The following LANCL1 variants were observed in gnomAD, a reference collection of about 807,000 sequenced individuals.
LANCL1 encodes glutathione S-transferase LANCL1.
Under a neutral mutation model 50.6 loss-of-function variants are expected in LANCL1, and 50 were observed. The ratio of observed to expected loss-of-function variants is 0.99; its 90% CI spans 0.79 to 1.25. The LOEUF (loss-of-function observed/expected upper bound fraction) is 1.25, where lower values mean the gene tolerates loss of function less well. Ranked by LOEUF, LANCL1 falls within the 50% of genes most tolerant of loss-of-function variation. The pLI, the probability that LANCL1 is intolerant of heterozygous loss-of-function variation, is 0.00. For synonymous variants in LANCL1, 188 were observed against 178.6 expected, an observed-to-expected ratio of 1.05 and a Z score of -0.42; for missense variants, 532 against 480.7, an observed-to-expected ratio of 1.11 and a Z score of -1.00.
intron 2 of LANCL1, 104 bp downstream of exon 2, chr2:210,476,212 T>TG (rs1253917231): frequency 1.1e-5 from 7 of 614,136 alleles, no homozygotes; most frequent in African/African-American, 3.9e-5. Context: ...TCGAATCATG[T>TG]ATTTTTTTAA....
chr2:210,447,792 A>G (rs1693388298), intron 4 of LANCL1, among the ~76,000 whole-genome samples: 1 of 152,232 alleles, frequency 6.6e-6, no homozygotes, highest in South Asian at 2.1e-4. Flanking sequence ...GATCAATGCA[A>G]CAAGAAGAGC....
chr2:210,452,955 TTAAA>T (rs1693554378), intron 4 of LANCL1, among the ~76,000 whole-genome samples: 1 of 152,162 alleles, frequency 6.6e-6, no homozygotes, highest in African/African-American at 2.4e-5. Context: ...ATAACTTATA[TTAAA>T]TAATTTTGGA....
rs1007865237 is a variant in LANCL1, at chr2:210,433,250, CAG to C, written c.*1235_*1236del. 3.3e-5 allele frequency: 5 copies of C among 152,334 alleles called. No individual in the cohort carries two copies. Among genetic ancestry groups the C allele is most frequent in the East Asian group, 1.9e-4 (1 of 5,176 alleles). 9.4% of individuals were successfully genotyped at this position (152,334 alleles called of 1,614,324 possible). On this transcript the variant is annotated 3_prime_UTR_variant, in exon 10 of 10. Transcript: ENST00000450366. ...AACACTTGAACAGAATTTGAAGCAC[CAG>C]AGAGTCTTTATCTACTACGGAAAAC...
intron 3 of LANCL1, among the ~76,000 whole-genome samples, chr2:210,470,136 A>C (rs1318948810): frequency 6.6e-6 from 1 of 152,226 alleles, no homozygotes; most frequent in Non-Finnish European, 1.5e-5. Flanking sequence ...CGATAATTTT[A>C]AATAAATAGT....
chr2:210,435,012 A>G (rs971660301), intron 9 of LANCL1, among the ~76,000 whole-genome samples: 1 of 152,186 alleles, frequency 6.6e-6, no homozygotes, highest in Non-Finnish European at 1.5e-5. Context: ...AAGACTGGAG[A>G]AAGAATGGAG....
At chr2:210,445,331 T>C (rs1304257182) in intron 4 of LANCL1, among the ~76,000 whole-genome samples, 1 of 152,198 alleles carries the variant, frequency 6.6e-6, no homozygotes, top group Non-Finnish European at 1.5e-5. Context: ...AATATATAAT[T>C]AGCATTCCAT....
chr2:210,444,851 C>T (rs1693261791), intron 4 of LANCL1, among the ~76,000 whole-genome samples: 1 of 152,006 alleles, frequency 6.6e-6, no homozygotes, highest in Non-Finnish European at 1.5e-5. Context: ...CCATATATAT[C>T]TACACACACA....
At chr2:210,435,655 C>T (rs1194631367) in intron 8 of LANCL1, among the ~76,000 whole-genome samples, 196 bp from the exon 9 acceptor site, 3 of 152,104 alleles carry the variant, frequency 2.0e-5, no homozygotes, top group African/African-American at 7.2e-5. Context: ...GTCTGAGTCA[C>T]GTATCTACAA....
chr2:210,455,957 A>T (rs1459438490), intron 3 of LANCL1, among the ~76,000 whole-genome samples: 1 of 152,060 alleles, frequency 6.6e-6, no homozygotes, highest in Non-Finnish European at 1.5e-5. Flanking sequence ...GGGCCCACCT[A>T]CTTTGGTAAA....
At chr2:210,440,539 C>A in intron 6 of LANCL1, 59 bp downstream of exon 6, 1 of 1,496,100 alleles carries the variant, frequency 6.7e-7, no homozygotes, top group Non-Finnish European at 9.1e-7. Flanking sequence ...GTTTTCTCAC[C>A]CATGATAGTA....
In LANCL1 at chr2:210,432,553, G is replaced by A. The variant is rs1294836467; in HGVS notation, c.*1934C>T. The A allele has an allele frequency of 6.6e-6, 1 of 152,150 alleles. No individual in the cohort carries two copies. Among genetic ancestry groups the A allele is most frequent in the Non-Finnish European group, 1.5e-5 (1 of 68,030 alleles). The allele number at this position is 152,150 out of a possible 1,614,324, so 9.4% of individuals were successfully genotyped here. A position where few individuals can be genotyped will look rare whatever the true frequency, so the allele number is the denominator to read the frequency against. The stretch of plus-strand genomic sequence containing the variant: ...TGAAATCTTCCTGGGGTTAAGCATT[G>A]CTATCACGATGCTTGGAGAACTGTG... On this transcript the variant is annotated 3_prime_UTR_variant, in exon 10 of 10. Coordinates refer to ENST00000450366, the MANE Select transcript of LANCL1 (RefSeq NM_006055.3).
intron 3 of LANCL1, among the ~76,000 whole-genome samples, chr2:210,466,108 A>G (rs149807840): frequency 1.2e-3 from 183 of 152,330 alleles, no homozygotes; most frequent in African/African-American, 4.0e-3. Context: ...GGTTCCACCA[A>G]TGCTTTCTCC....
At chr2:210,476,055 C>T (rs947643716) in intron 2 of LANCL1, among the ~76,000 whole-genome samples, 2 of 152,144 alleles carry the variant, frequency 1.3e-5, no homozygotes, top group Non-Finnish European at 2.9e-5. Context: ...ACATAGTAAA[C>T]TACATATTTG....
At chr2:210,436,487 G>T in intron 7 of LANCL1, 95 bp from the exon 8 acceptor site, 1 of 1,216,542 alleles carries the variant, frequency 8.2e-7, no homozygotes, top group East Asian at 2.4e-5. Flanking sequence ...GAGGGAGATG[G>T]CTTGGCAAGA....
chr2:210,471,371 C>CT (rs565756031), intron 3 of LANCL1: 4 of 340,362 alleles, frequency 1.2e-5, no homozygotes, highest in East Asian at 7.9e-5. Flanking sequence ...TCTTTCTCAC[C>CT]TTTTTTTGAC....
rs2105877524 is a variant in LANCL1, at chr2:210,432,962, A to G, written c.*1525T>C. ...GGCCTTTAAAAGGTCAGTTTCCAAT[A>G]ATATTAGCTCTTTTGGTGCTAAACA... On this transcript the variant is annotated 3_prime_UTR_variant, in exon 10 of 10. Coordinates refer to ENST00000450366, the MANE Select transcript of LANCL1 (RefSeq NM_006055.3). 1 of 152,712 alleles carries G rather than the reference A, an allele frequency of 6.5e-6. No individual in the cohort carries two copies. The highest frequency in any genetic ancestry group is 2.4e-5 in the African/African-American group (1 of 41,560). 9.5% of individuals were successfully genotyped at this position (152,712 alleles called of 1,614,324 possible).
chr2:210,437,947 A>T, intron 6 of LANCL1, 75 bp from the exon 7 acceptor site: 1 of 1,065,178 alleles, frequency 9.4e-7, no homozygotes, highest in Non-Finnish European at 1.3e-6. Context: ...TTTAAACCAG[A>T]AAAAAAGCAT....
intron 3 of LANCL1, among the ~76,000 whole-genome samples, chr2:210,457,984 G>A (rs531701669): frequency 3.3e-5 from 5 of 152,284 alleles, no homozygotes; most frequent in Admixed American, 1.3e-4. Flanking sequence ...GATGCAGTGG[G>A]AGTAGTGGAG....
upstream of LANCL1, chr2:210,476,899 A>C (rs1694403140): frequency 1.3e-6 from 1 of 743,318 alleles, no homozygotes; most frequent in Non-Finnish European, 1.6e-6. Context: ...GGGTAGCAGA[A>C]GTGAGGACCT....
Sources: allele counts gnomAD v4.1 joint callset (sites outside exome capture counted in the v4.1 genomes callset), GRCh38; gene constraint gnomAD v4.1.1; transcripts MANE v1.5; gene names NCBI Gene and HGNC (gene_info 2026-07-23, HGNC 2026-07-21).